TMED3: variants seen among roughly 807,000 people sequenced by gnomAD.
The protein encoded by TMED3 is transmembrane p24 trafficking protein 3.
TMED3 carries 9 observed loss-of-function variants against 15.0 expected under a neutral mutation model. That is an observed-to-expected ratio of 0.60 (90% CI 0.36 to 1.04). TMED3 has a LOEUF of 1.04. TMED3 is among the 50% of genes least tolerant of loss of function. TMED3 has a pLI of 0.01. For synonymous variants in TMED3, 117 were observed against 121.4 expected (o/e 0.96, Z 0.24); for missense variants, 267 against 278.9 (o/e 0.96, Z 0.30).
chr15:79,363,639 A>G (rs1413251332), intron 2 of TMED3, among the ~76,000 whole-genome samples: 1 of 152,210 alleles, frequency 6.6e-6, no homozygotes, highest in Non-Finnish European at 1.5e-5. Context: ...TAATATTTTT[A>G]CTAAAACAAT....
chr15:79,374,112 A>G (rs1893388198), intron 2 of TMED3, among the ~76,000 whole-genome samples: 1 of 152,150 alleles, frequency 6.6e-6, no homozygotes, highest in African/African-American at 2.4e-5. Context: ...CAGAATGTAA[A>G]TTTTCCCCAG....
rs112605120 is a variant in TMED3 at position 79,395,435 on chromosome 15, C to A, written c.418-15965C>A. ...ACCTCAGGTGATCCACCCGCATGGGCCTCCCAAAGTGTTGGGATTACACGC... is the reference window on the plus strand; with the variant it reads ...ACCTCAGGTGATCCACCCGCATGGGACTCCCAAAGTGTTGGGATTACACGC... On this transcript the variant is annotated intron_variant, in intron 2 of 2. Transcript: ENST00000424155. Among the ~76,000 whole-genome samples, 848 of 152,338 alleles carry A rather than the reference C, an allele frequency of 5.6e-3. 5 individuals carry two copies. The highest frequency in any genetic ancestry group is 0.02 in the African/African-American group (812 of 41,592).
At chr15:79,319,901 A>G (rs2058757667) in intron 2 of TMED3, among the ~76,000 whole-genome samples, 1 of 152,354 alleles carries the variant, frequency 6.6e-6, no homozygotes, top group South Asian at 2.1e-4. Flanking sequence ...CCAGGTACAC[A>G]GGATGGAACA....
At chr15:79,358,745 G>A (rs1022022140) in intron 2 of TMED3, among the ~76,000 whole-genome samples, 3 of 152,186 alleles carry the variant, frequency 2.0e-5, no homozygotes, top group East Asian at 1.9e-4. Context: ...TGCTTAAAAC[G>A]AAATTTCATA....
chr15:79,363,241 A>T (rs567024751), intron 2 of TMED3, among the ~76,000 whole-genome samples: 1 of 152,234 alleles, frequency 6.6e-6, no homozygotes, highest in Admixed American at 6.5e-5. Flanking sequence ...AACAGAAAAT[A>T]TAGGTAATTG....
intron 2 of TMED3, among the ~76,000 whole-genome samples, chr15:79,340,870 A>T (rs191438294): frequency 6.6e-6 from 1 of 152,300 alleles, no homozygotes; most frequent in Admixed American, 6.5e-5. Context: ...CTTAAGGTAG[A>T]GTGTGGCCAA....
At chr15:79,357,359 C>A (rs549921980) in intron 2 of TMED3, among the ~76,000 whole-genome samples, 2 of 150,724 alleles carry the variant, frequency 1.3e-5, no homozygotes, top group Non-Finnish European at 2.9e-5. Flanking sequence ...GCAGTGCATG[C>A]CTGTGGTCCT....
At chr15:79,382,554 C>T (rs1893554241) in intron 2 of TMED3, among the ~76,000 whole-genome samples, 1 of 152,234 alleles carries the variant, frequency 6.6e-6, no homozygotes, top group Non-Finnish European at 1.5e-5. Context: ...ACTGGCAGCA[C>T]CTATCCCACA....
At chr15:79,399,064 C>G (rs2141256542) in intron 2 of TMED3, among the ~76,000 whole-genome samples, 1 of 152,276 alleles carries the variant, frequency 6.6e-6, no homozygotes, top group Middle Eastern at 3.4e-3. Flanking sequence ...GTGCATGCCA[C>G]CACGCCCAAC....
chr15:79,380,965 G>A lies in TMED3; in HGVS notation c.418-30435G>A, dbSNP rs1489067619. ...ATGCACAATAGTAAGATTCAGGATGGATAAGGATGTGTCTTTCTTTTTTGT... is the reference window on the plus strand; with the variant it reads ...ATGCACAATAGTAAGATTCAGGATGAATAAGGATGTGTCTTTCTTTTTTGT... On this transcript the variant is annotated intron_variant, in intron 2 of 2. Coordinates refer to the TMED3 transcript ENST00000424155. Among the ~76,000 whole-genome samples, 5 of 152,256 alleles carry A rather than the reference G, an allele frequency of 3.3e-5. No individual in the cohort carries two copies. The East Asian group carries it at 7.7e-4, about 24-fold the overall frequency.
At chr15:79,319,613 C>T (rs191615437) in intron 2 of TMED3, among the ~76,000 whole-genome samples, 8 of 152,224 alleles carry the variant, frequency 5.3e-5, no homozygotes, top group African/African-American at 1.9e-4. Flanking sequence ...GACAGCTGGG[C>T]CCAGGGGACC....
intron 2 of TMED3, among the ~76,000 whole-genome samples, chr15:79,396,834 TTAAC>T (rs1225514505): frequency 1.3e-5 from 2 of 152,274 alleles, no homozygotes; most frequent in East Asian, 3.8e-4. Flanking sequence ...TATTTTATTC[TTAAC>T]TTTTAAATTT....
chr15:79,388,937 TTG>T (rs1893662834), intron 2 of TMED3, among the ~76,000 whole-genome samples: 3 of 149,794 alleles, frequency 2.0e-5, no homozygotes, highest in Non-Finnish European at 3.0e-5. Flanking sequence ...TTTGATGAGA[TTG>T]TTTTTTTTCT....
chr15:79,348,896 A>G (rs8030619), intron 2 of TMED3, among the ~76,000 whole-genome samples: 68,578 of 152,018 alleles, frequency 0.45, 15,655 homozygotes, highest in African/African-American at 0.52. Context: ...CAGTGGTGCT[A>G]TCATGGCTTA....
intron 2 of TMED3, among the ~76,000 whole-genome samples, chr15:79,406,118 T>A (rs1390160309): frequency 6.6e-6 from 1 of 152,180 alleles, no homozygotes; most frequent in Non-Finnish European, 1.5e-5. Context: ...ATGAATTGAA[T>A]ACAGAGATGT....
chr15:79,385,333 G>C (rs117174092), intron 2 of TMED3, among the ~76,000 whole-genome samples: 2,024 of 152,266 alleles, frequency 0.013, 17 homozygotes, highest in Non-Finnish European at 0.019. Context: ...CCCTAGGAAG[G>C]GGGGCAGAAT....
rs184233314 is a variant in TMED3, at chr15:79,371,440, C to G, written c.418-39960C>G. On this transcript the variant is annotated intron_variant, in intron 2 of 2. Coordinates refer to the TMED3 transcript ENST00000424155. Reference sequence around the variant, plus strand: ...TATTGCCTGCTGCCCTGAAAAAAAACCAATTCACTGAAAACAGTAGATGTT... The same window carrying G: ...TATTGCCTGCTGCCCTGAAAAAAAAGCAATTCACTGAAAACAGTAGATGTT... Among the ~76,000 whole-genome samples the G allele has an allele frequency of 2.1e-3, 321 of 152,190 alleles. 9 individuals carry two copies. Among genetic ancestry groups the G allele is most frequent in the Admixed American group, 0.02 (308 of 15,292 alleles).
chr15:79,356,633 G>A (rs2058920194), intron 2 of TMED3, among the ~76,000 whole-genome samples: 1 of 152,160 alleles, frequency 6.6e-6, no homozygotes, highest in Admixed American at 6.5e-5. Flanking sequence ...CAAAGAGCAG[G>A]GCAAAAGGAT....
At chr15:79,380,614 G>A (rs1403823591) in intron 2 of TMED3, among the ~76,000 whole-genome samples, 2 of 149,274 alleles carry the variant, frequency 1.3e-5, no homozygotes, top group Non-Finnish European at 3.0e-5. Flanking sequence ...GAGAGAGAGG[G>A]TATATTTTCT....
Sources: allele counts gnomAD v4.1 joint callset (sites outside exome capture counted in the v4.1 genomes callset), GRCh38; gene constraint gnomAD v4.1.1; transcripts MANE v1.5; gene names NCBI Gene and HGNC (gene_info 2026-07-23, HGNC 2026-07-21).